CCDC149: variants seen among roughly 807,000 people sequenced by gnomAD.
CCDC149 encodes the protein coiled-coil domain containing 149, also known as coiled-coil domain-containing protein 149.
In CCDC149, 45 loss-of-function variants were observed where a neutral mutation model predicts 59.9. The ratio of observed to expected loss-of-function variants is 0.75; its 90% CI spans 0.59 to 0.96. The LOEUF (loss-of-function observed/expected upper bound fraction) is 0.96, where lower values mean the gene tolerates loss of function less well. Ranked by LOEUF, CCDC149 falls within the 40% of genes least tolerant of loss-of-function variation. The probability of loss-of-function intolerance (pLI) is 0.00; values close to 1 mark genes in which losing one functional copy is unlikely to be tolerated. For missense variants in CCDC149, 584 were observed against 664.7 expected (o/e 0.88, Z 1.33); for synonymous variants, 245 against 260.6 (o/e 0.94, Z 0.58).
At chr4:24,822,623 C>T (rs1421539901) in intron 9 of CCDC149, 50 bp from the exon 10 acceptor site, 1 of 1,373,232 alleles carries the variant, frequency 7.3e-7, no homozygotes, top group Admixed American at 2.6e-5. Context: ...TCCTGTCAGC[C>T]CCCAGCCCTG....
At chr4:24,839,045 CACACACACACACACACAG>C (rs1716748914) in intron 4 of CCDC149, among the ~76,000 whole-genome samples, 1 of 137,890 alleles carries the variant, frequency 7.3e-6, no homozygotes, top group South Asian at 2.6e-4. Flanking sequence ...CACACACACA[CACACACACACACACACAG>C]AGAGAGAGAG....
intron 12 of CCDC149, among the ~76,000 whole-genome samples, chr4:24,818,555 G>C (rs571143105): frequency 6.6e-6 from 1 of 152,302 alleles, no homozygotes; most frequent in Non-Finnish European, 1.5e-5. Context: ...TCTGGCTAAC[G>C]GTCTCTCATG....
At chr4:24,972,290 T>TTCTTC (rs1367865541) in intron 1 of CCDC149, among the ~76,000 whole-genome samples, 1 of 146,486 alleles carries the variant, frequency 6.8e-6, no homozygotes, top group Non-Finnish European at 1.5e-5. Flanking sequence ...TCTGACCTTT[T>TTCTTC]TCTTTTCTTT....
chr4:24,969,749 T>C (rs1280048635), intron 1 of CCDC149, among the ~76,000 whole-genome samples: 1 of 152,198 alleles, frequency 6.6e-6, no homozygotes. Context: ...GGTAACCTGC[T>C]GGTGGCTGCT....
chr4:24,851,778 A>G (rs899704371), intron 4 of CCDC149, among the ~76,000 whole-genome samples: 1 of 152,152 alleles, frequency 6.6e-6, no homozygotes, highest in African/African-American at 2.4e-5. Context: ...GAAGTGAGTA[A>G]GAAGGTCTGT....
intron 12 of CCDC149, among the ~76,000 whole-genome samples, chr4:24,813,514 A>C (rs1326360547): frequency 6.9e-6 from 1 of 143,930 alleles, no homozygotes; most frequent in African/African-American, 2.6e-5. Context: ...ATATATATAT[A>C]TATATATATA....
chr4:24,894,790 A>G (rs1163589265), intron 1 of CCDC149, among the ~76,000 whole-genome samples: 1 of 151,954 alleles, frequency 6.6e-6, no homozygotes, highest in African/African-American at 2.4e-5. Context: ...TGTATATTCA[A>G]AAAAACTAAG....
At chr4:24,865,487 A>C (rs1398981546) in intron 3 of CCDC149, among the ~76,000 whole-genome samples, 1 of 152,218 alleles carries the variant, frequency 6.6e-6, no homozygotes, top group Non-Finnish European at 1.5e-5. Flanking sequence ...GCAACTGCCA[A>C]AGTGATGACC....
At chr4:24,852,379 C>A (rs1350168404) in intron 4 of CCDC149, among the ~76,000 whole-genome samples, 1 of 151,536 alleles carries the variant, frequency 6.6e-6, no homozygotes, top group Non-Finnish European at 1.5e-5. Flanking sequence ...TTGCAAAAGC[C>A]ACCTCTGGCA....
chr4:24,839,020 TCTCTCTCTCACA>T (rs1180274330), intron 4 of CCDC149, among the ~76,000 whole-genome samples: 1 of 111,124 alleles, frequency 9.0e-6, no homozygotes, highest in Non-Finnish European at 1.8e-5. Context: ...TCTCTCTCTC[TCTCTCTCTCACA>T]CACACACACA....
chr4:24,921,443 GC>G (rs1398543559), intron 1 of CCDC149, among the ~76,000 whole-genome samples: 2 of 152,156 alleles, frequency 1.3e-5, no homozygotes, highest in African/African-American at 4.8e-5. Flanking sequence ...AGTGGGCATG[GC>G]CCAGGAGCCT....
chr4:24,838,545 T>C (rs971836285), intron 4 of CCDC149, among the ~76,000 whole-genome samples: 2 of 151,996 alleles, frequency 1.3e-5, no homozygotes, highest in Non-Finnish European at 2.9e-5. Context: ...CAAACTCTGG[T>C]TCCCATTAAA....
intron 1 of CCDC149, among the ~76,000 whole-genome samples, chr4:24,946,117 A>G (rs1723103778): frequency 6.6e-6 from 1 of 152,200 alleles, no homozygotes; most frequent in Non-Finnish European, 1.5e-5. Context: ...TGCTTGACCA[A>G]TCACTCTCTC....
At chr4:24,888,862 T>A (rs975717249) in intron 1 of CCDC149, among the ~76,000 whole-genome samples, 2 of 152,204 alleles carry the variant, frequency 1.3e-5, no homozygotes, top group Non-Finnish European at 2.9e-5. Context: ...AGATAACATT[T>A]CAGCAATTTC....
chr4:24,884,756 G>T (rs946153466), intron 1 of CCDC149, among the ~76,000 whole-genome samples: 4 of 152,126 alleles, frequency 2.6e-5, no homozygotes, highest in African/African-American at 9.7e-5. Context: ...TCGGAGGGTT[G>T]GTATGAGAAT....
Position 24,958,409 on chromosome 4 carries a change from T to C in CCDC149, c.-65+21660A>G, listed in dbSNP as rs181330704. Among the ~76,000 whole-genome samples the C allele has an allele frequency of 2.8e-3, 433 of 152,320 alleles. 1 individual carries two copies. The highest frequency in any genetic ancestry group is 2.2e-3 in the Non-Finnish European group (147 of 68,022). On this transcript the variant is annotated intron_variant, in intron 1 of 12. Transcript: ENST00000389609. Reference sequence around the variant, plus strand: ...TATCTAAAGCTCACAAAGTGTCTGATTGCTAACATTGGGATCCTACATTAC... The same window carrying C: ...TATCTAAAGCTCACAAAGTGTCTGACTGCTAACATTGGGATCCTACATTAC...
intron 1 of CCDC149, among the ~76,000 whole-genome samples, chr4:24,911,101 A>G (rs1721845455): frequency 6.6e-6 from 1 of 152,118 alleles, no homozygotes; most frequent in African/African-American, 2.4e-5. Context: ...TTCAACAAGC[A>G]TTTTTCGAGC....
chr4:24,968,586 G>T (rs1723873910), intron 1 of CCDC149, among the ~76,000 whole-genome samples: 1 of 152,222 alleles, frequency 6.6e-6, no homozygotes, highest in Admixed American at 6.5e-5. Flanking sequence ...GCCATTTAAG[G>T]AATTGGGTCC....
intron 11 of CCDC149, 162 bp from the exon 12 acceptor site, chr4:24,820,137 T>C (rs1283569085): frequency 5.1e-6 from 3 of 591,770 alleles, no homozygotes; most frequent in Non-Finnish European, 9.1e-6. Context: ...CCTTACACTA[T>C]TGCACCACCC....
Sources: allele counts gnomAD v4.1 joint callset (sites outside exome capture counted in the v4.1 genomes callset), GRCh38; gene constraint gnomAD v4.1.1; transcripts MANE v1.5; gene names NCBI Gene and HGNC (gene_info 2026-07-23, HGNC 2026-07-21).